The following SOX5 variants were observed in gnomAD, a reference collection of about 807,000 sequenced individuals.
SOX5 encodes the protein SRY-box transcription factor 5.
In SOX5, 9 loss-of-function variants were observed where a neutral mutation model predicts 92.0. That is an observed-to-expected ratio of 0.10 (90% CI 0.06 to 0.17). The LOEUF is 0.17. SOX5 is among the 10% of genes least tolerant of loss of function. The pLI is 1.00. For synonymous variants in SOX5, 344 were observed against 336.3 expected (o/e 1.02, Z -0.25); for missense variants, 642 against 944.5 (o/e 0.68, Z 4.20).
At chr12:23,903,939 C>CAA (rs1466355397) in intron 1 of SOX5, among the ~76,000 whole-genome samples, 4 of 152,098 alleles carry the variant, frequency 2.6e-5, no homozygotes, top group Admixed American at 6.5e-5. Context: ...AATGAAACAA[C>CAA]AAACACTTTT....
At chr12:23,688,095 GC>G (rs1053025301) in intron 6 of SOX5, among the ~76,000 whole-genome samples, 7 of 151,924 alleles carry the variant, frequency 4.6e-5, no homozygotes, top group African/African-American at 1.7e-4. Flanking sequence ...CTACAATTAT[GC>G]TGATGCTGTA....
intron 1 of SOX5, among the ~76,000 whole-genome samples, chr12:23,919,478 C>T (rs2097457323): frequency 6.6e-6 from 1 of 152,190 alleles, no homozygotes; most frequent in East Asian, 1.9e-4. Flanking sequence ...GTTCTTTCAT[C>T]TAAATGTGGT....
intron 2 of SOX5, among the ~76,000 whole-genome samples, chr12:24,313,587 C>G (rs1002273515): frequency 6.6e-6 from 1 of 152,272 alleles, no homozygotes; most frequent in East Asian, 1.9e-4. Context: ...GGACTTTGTT[C>G]AAGGTCTTGG....
intron 4 of SOX5, among the ~76,000 whole-genome samples, chr12:23,981,885 G>C (rs1949603255): frequency 6.6e-6 from 1 of 151,948 alleles, no homozygotes; most frequent in African/African-American, 2.4e-5. Flanking sequence ...AAATTAACTA[G>C]AGTTCTTTAC....
At chr12:24,121,560 T>C (rs1405503070) in intron 4 of SOX5, among the ~76,000 whole-genome samples, 5 of 145,548 alleles carry the variant, frequency 3.4e-5, no homozygotes, top group Admixed American at 1.4e-4. Context: ...AGTTTACAAA[T>C]GGCTAACTTT....
At chr12:24,079,429 C>A (rs1473536403) in intron 4 of SOX5, among the ~76,000 whole-genome samples, 1 of 151,838 alleles carries the variant, frequency 6.6e-6, no homozygotes, top group Non-Finnish European at 1.5e-5. Flanking sequence ...TTCCAAGGAC[C>A]TACAAAATGT....
chr12:23,899,208 C>A lies in SOX5; in HGVS notation c.39-3184G>T, dbSNP rs1442730049. ...GCAGATCACATGAGTTCCAGATCAG[C>A]CTGACCAACATGGAGAAACCCCATC... On this transcript the variant is annotated intron_variant, in intron 1 of 14. Coordinates refer to ENST00000451604, the MANE Select transcript of SOX5 (RefSeq NM_006940.6). Among the ~76,000 whole-genome samples the A allele has an allele frequency of 2.0e-5, 3 of 151,926 alleles. No homozygotes were observed. In the East Asian group the frequency reaches 5.8e-4, roughly 29 times the overall value.
chr12:23,600,088 A>T (rs1019560615), intron 9 of SOX5, among the ~76,000 whole-genome samples: 10 of 152,356 alleles, frequency 6.6e-5, no homozygotes, highest in Admixed American at 3.9e-4. Context: ...ACTCAAAGCA[A>T]CATTATTGTA....
intron 2 of SOX5, among the ~76,000 whole-genome samples, chr12:23,875,731 T>C (rs977911684): frequency 1.3e-5 from 2 of 152,186 alleles, no homozygotes; most frequent in Non-Finnish European, 2.9e-5. Flanking sequence ...ATTACACTAC[T>C]ATTACTCTAT....
chr12:23,869,907 C>T (rs2096855200), intron 2 of SOX5, among the ~76,000 whole-genome samples: 1 of 152,132 alleles, frequency 6.6e-6, no homozygotes, highest in Non-Finnish European at 1.5e-5. Flanking sequence ...TATGTGTATC[C>T]ATTTTCCCCA....
intron 1 of SOX5, among the ~76,000 whole-genome samples, chr12:23,927,940 A>G (rs779911056): frequency 1.3e-5 from 2 of 152,078 alleles, no homozygotes; most frequent in East Asian, 3.9e-4. Flanking sequence ...CATTTTCCAG[A>G]ACCCAGAAGA....
intron 8 of SOX5, chr12:23,638,495 C>T (rs1040177202): frequency 6.6e-6 from 1 of 152,044 alleles, no homozygotes; most frequent in African/African-American, 2.4e-5. Flanking sequence ...AAAACTAGTC[C>T]ATATATTATA....
intron 4 of SOX5, among the ~76,000 whole-genome samples, chr12:24,122,127 C>A (rs1472442480): frequency 1.3e-5 from 2 of 152,148 alleles, no homozygotes; most frequent in African/African-American, 4.8e-5. Context: ...AGCAAAAATT[C>A]TTGCACCCAG....
intron 6 of SOX5, among the ~76,000 whole-genome samples, chr12:23,683,871 A>G (rs2087060675): frequency 6.6e-6 from 1 of 151,994 alleles, no homozygotes; most frequent in African/African-American, 2.4e-5. Context: ...ATGGAAAAAA[A>G]TAAATAAAGA....
intron 4 of SOX5, among the ~76,000 whole-genome samples, chr12:24,205,545 A>C (rs1303027084): frequency 6.6e-6 from 1 of 152,196 alleles, no homozygotes; most frequent in Non-Finnish European, 1.5e-5. Flanking sequence ...ATGTGAACTG[A>C]TGTCTGTCTC....
At chr12:24,494,009 T>C (rs932831449) in intron 1 of SOX5, among the ~76,000 whole-genome samples, 3 of 152,262 alleles carry the variant, frequency 2.0e-5, no homozygotes, top group Non-Finnish European at 4.4e-5. Flanking sequence ...TATTGGATGA[T>C]GTGAAATAAC....
At chr12:24,415,478 T>C (rs1964864452) in intron 1 of SOX5, among the ~76,000 whole-genome samples, 1 of 152,110 alleles carries the variant, frequency 6.6e-6, no homozygotes. Flanking sequence ...ACCCTGAAAA[T>C]ACATCAAATT....
In SOX5 at chr12:23,860,965, A is replaced by AAC. The variant is rs1568416956; in HGVS notation, c.271-14773_271-14772insGT. 6.2e-3 allele frequency among the ~76,000 whole-genome samples: 863 copies of AAC among 140,098 alleles called. 11 individuals carry two copies. The highest frequency in any genetic ancestry group is 0.022 in the African/African-American group (821 of 36,998). 91.9% of individuals were successfully genotyped at this position (140,098 alleles called of 152,430 possible). On this transcript the variant is annotated intron_variant, in intron 2 of 14. Transcript: ENST00000451604. ...AAGTATATTTTGTAAAAAAAAAAAA[A>AAC]AAAAAAAAAAAAACCCTGCCAACAT...
intron 9 of SOX5, among the ~76,000 whole-genome samples, chr12:23,577,150 T>TATATATAC (rs1387483353): frequency 8.5e-6 from 1 of 117,594 alleles, no homozygotes; most frequent in African/African-American, 3.3e-5. Context: ...TATATATATA[T>TATATATAC]ACACACACAC....
Sources: gnomAD v4.1 joint callset for allele counts (sites outside exome capture counted in the v4.1 genomes callset) on GRCh38, gnomAD v4.1.1 for gene constraint, MANE v1.5 for transcripts, NCBI Gene and HGNC (gene_info 2026-07-23, HGNC 2026-07-21) for gene names.